Variants in PARD3B observed in about 807,000 individuals in gnomAD.
PARD3B encodes par-3 family cell polarity regulator beta.
A neutral mutation model predicts 130.2 loss-of-function variants in PARD3B; 103 were observed. The ratio of observed to expected loss-of-function variants is 0.79; its 90% CI spans 0.67 to 0.93. PARD3B has a LOEUF of 0.93. Ranked by LOEUF, PARD3B falls within the 40% of genes least tolerant of loss-of-function variation. The pLI is 0.00. For missense variants in PARD3B, 1,609 were observed against 1,499.2 expected (o/e 1.07, Z -1.21); for synonymous variants, 583 against 553.2 (o/e 1.05, Z -0.76).
Position 205,618,631 on chromosome 2 carries a change from G to A in PARD3B, c.*2818G>A, listed in dbSNP as rs2055507687. The A allele has an allele frequency of 6.6e-6, 1 of 152,210 alleles. No individual in the cohort carries two copies. Among genetic ancestry groups the A allele is most frequent in the African/African-American group, 2.4e-5 (1 of 41,436 alleles). The allele number at this position is 152,210 out of a possible 1,614,324, so 9.4% of individuals were successfully genotyped here. ...CTGACTGCTGGGTCATGAAGGCCGT[G>A]AAATGATGTTTGCCCTCAAGTCACT... On this transcript the variant is annotated 3_prime_UTR_variant, in exon 23 of 23. Coordinates refer to ENST00000406610, the MANE Select transcript of PARD3B (RefSeq NM_001302769.2).
rs531358321 is a variant in PARD3B, at chr2:204,634,398, ATACT to A, written c.121-51780_121-51777del. Among the ~76,000 whole-genome samples the A allele has an allele frequency of 1.7e-4, 26 of 152,286 alleles. No individual in the cohort carries two copies. The South Asian group carries it at 4.8e-3, about 28-fold the overall frequency. ...TCTTTATCCATTCATCTGTTTATGG[ATACT>A]TAAAGTTGCTTCCAAATCTTAGCTA... On this transcript the variant is annotated intron_variant, in intron 1 of 22. Transcript: ENST00000406610.
rs896367278 is a variant in PARD3B at position 205,553,498 on chromosome 2, G to A, written c.3260+95G>A. ...ATAGAAATTCTGGCTTTGAAATAGG[G>A]AATATGTTATAATTTTGCCTTGCTG... is the stretch of plus-strand genomic sequence containing the variant. On this transcript the variant is annotated intron_variant, in intron 22 of 22. Transcript: ENST00000406610. The A allele has an allele frequency of 1.5e-5, 19 of 1,274,382 alleles. No individual in the cohort carries two copies. In the Admixed American group the frequency reaches 2.1e-4, roughly 14 times the overall value. 78.9% of individuals were successfully genotyped at this position (1,274,382 alleles called of 1,614,324 possible). A position where few individuals can be genotyped will look rare whatever the true frequency, so the allele number is the denominator to read the frequency against.
intron 18 of PARD3B, among the ~76,000 whole-genome samples, chr2:205,305,760 A>C (rs375483251): frequency 6.6e-6 from 1 of 152,210 alleles, no homozygotes; most frequent in Non-Finnish European, 1.5e-5. Context: ...CATGAGAAGC[A>C]TAATAGAATT....
At chr2:205,380,085 T>A (rs1372094684) in intron 18 of PARD3B, among the ~76,000 whole-genome samples, 6 of 134,496 alleles carry the variant, frequency 4.5e-5, no homozygotes, top group Non-Finnish European at 9.2e-5. Context: ...AAAAAAAATA[T>A]GTATATATAT....
chr2:205,004,931 C>G (rs1228521373), intron 3 of PARD3B, among the ~76,000 whole-genome samples: 1 of 152,172 alleles, frequency 6.6e-6, no homozygotes, highest in Non-Finnish European at 1.5e-5. Context: ...TACTCTGTTT[C>G]TTGAGACAGA....
intron 21 of PARD3B, among the ~76,000 whole-genome samples, chr2:205,521,558 T>TTTC (rs11449808): frequency 0.45 from 68,537 of 151,516 alleles, 15,942 homozygotes; most frequent in South Asian, 0.6. Context: ...TATGATTTTT[T>TTTC]TTCTTTTTCT....
In PARD3B at chr2:204,889,354, T is replaced by G. The variant is rs547974045; in HGVS notation, c.223-75798T>G. On this transcript the variant is annotated intron_variant, in intron 2 of 22. Transcript: ENST00000406610. Reference sequence around the variant, plus strand: ...GAATGCCCTGTGATAGATAAAGCAGTTGTCTCTCTACTATATATAAAAGGG... The same window carrying G: ...GAATGCCCTGTGATAGATAAAGCAGGTGTCTCTCTACTATATATAAAAGGG... 4.6e-5 allele frequency among the ~76,000 whole-genome samples: 7 copies of G among 152,362 alleles called. No individual in the cohort carries two copies. The South Asian group carries it at 1.4e-3, about 32-fold the overall frequency.
intron 13 of PARD3B, among the ~76,000 whole-genome samples, chr2:205,185,287 T>G (rs578206457): frequency 6.6e-6 from 1 of 152,280 alleles, no homozygotes; most frequent in East Asian, 1.9e-4. Context: ...TGTGTGTTTA[T>G]CTCCACTATG....
intron 21 of PARD3B, among the ~76,000 whole-genome samples, chr2:205,500,987 G>T (rs2050138610): frequency 6.6e-6 from 1 of 152,166 alleles, no homozygotes; most frequent in African/African-American, 2.4e-5. Flanking sequence ...AGGCAGATCT[G>T]TTAAGGCAGG....
intron 1 of PARD3B, among the ~76,000 whole-genome samples, chr2:204,666,993 G>A (rs2036054370): frequency 6.6e-6 from 1 of 152,148 alleles, no homozygotes; most frequent in African/African-American, 2.4e-5. Flanking sequence ...AAAGGAAACT[G>A]AGAACTGGAC....
chr2:205,488,841 CTGTT>C (rs1559140563), intron 20 of PARD3B, among the ~76,000 whole-genome samples: 2 of 152,250 alleles, frequency 1.3e-5, no homozygotes, highest in East Asian at 1.9e-4. Context: ...CCCCAAGCCT[CTGTT>C]TGTGTCTAAG....
At chr2:205,377,564 C>G (rs925589700) in intron 18 of PARD3B, among the ~76,000 whole-genome samples, 1 of 151,892 alleles carries the variant, frequency 6.6e-6, no homozygotes, top group Admixed American at 6.6e-5. Flanking sequence ...GCCCTATACT[C>G]AAAGATAAGA....
intron 1 of PARD3B, among the ~76,000 whole-genome samples, chr2:204,597,344 A>G (rs1559176348): frequency 6.6e-6 from 1 of 152,144 alleles, no homozygotes; most frequent in Non-Finnish European, 1.5e-5. Flanking sequence ...TGGACACTTA[A>G]AAAGTCTCCA....
At chr2:205,071,084 A>C (rs2125484547) in intron 4 of PARD3B, among the ~76,000 whole-genome samples, 1 of 152,304 alleles carries the variant, frequency 6.6e-6, no homozygotes, top group South Asian at 2.1e-4. Context: ...TGATGACAGA[A>C]GATTTTTCTT....
chr2:205,424,703 A>G (rs2106106332), intron 19 of PARD3B, among the ~76,000 whole-genome samples: 1 of 152,238 alleles, frequency 6.6e-6, no homozygotes, highest in Admixed American at 6.5e-5. Flanking sequence ...CTCTTCAGGA[A>G]GTTTATGTAG....
chr2:204,624,160 A>G (rs1197888227), intron 1 of PARD3B, among the ~76,000 whole-genome samples: 1 of 152,188 alleles, frequency 6.6e-6, no homozygotes, highest in Non-Finnish European at 1.5e-5. Flanking sequence ...ATTGAAAAGA[A>G]AAGAAATCCC....
chr2:205,567,625 A>G (rs1169305396), intron 22 of PARD3B, among the ~76,000 whole-genome samples: 1 of 151,736 alleles, frequency 6.6e-6, no homozygotes. Flanking sequence ...CCCGGCCTGT[A>G]CTAGTGTTGT....
At chr2:204,667,048 G>A (rs1010989154) in intron 1 of PARD3B, among the ~76,000 whole-genome samples, 1 of 152,144 alleles carries the variant, frequency 6.6e-6, no homozygotes, top group Admixed American at 6.6e-5. Context: ...GCTTATGTCC[G>A]GATACCCATC....
At chr2:204,576,264 T>G (rs2032254027) in intron 1 of PARD3B, among the ~76,000 whole-genome samples, 3 of 152,314 alleles carry the variant, frequency 2.0e-5, no homozygotes, top group Non-Finnish European at 2.9e-5. Context: ...TGCTGCTATT[T>G]TTGAAGACAG....
Sources: allele counts gnomAD v4.1 joint callset (sites outside exome capture counted in the v4.1 genomes callset), GRCh38; gene constraint gnomAD v4.1.1; transcripts MANE v1.5; gene names NCBI Gene and HGNC (gene_info 2026-07-23, HGNC 2026-07-21).